Variants in FOXJ3 observed in about 807,000 individuals in gnomAD.
The protein encoded by FOXJ3 is forkhead box protein J3.
FOXJ3 carries 22 observed loss-of-function variants against 76.1 expected under a neutral mutation model. The ratio of observed to expected loss-of-function variants is 0.29; its 90% CI spans 0.21 to 0.41. The LOEUF (loss-of-function observed/expected upper bound fraction) is 0.41, where lower values mean the gene tolerates loss of function less well. Among genes scored for constraint, FOXJ3 ranks in the 10% least tolerant of loss-of-function variants. FOXJ3 has a pLI of 1.00. For synonymous variants in FOXJ3, 269 were observed against 261.2 expected (o/e 1.03, Z -0.29); for missense variants, 613 against 762.1 (o/e 0.80, Z 2.30).
At chr1:42,258,959 C>T (rs1441414165) in intron 4 of FOXJ3, among the ~76,000 whole-genome samples, 3 of 151,846 alleles carry the variant, frequency 2.0e-5, no homozygotes, top group African/African-American at 7.3e-5. Context: ...AAGTCTAAGC[C>T]GAAAAGAAAG....
At chr1:42,330,270 G>A (rs907591448) in intron 1 of FOXJ3, among the ~76,000 whole-genome samples, 1 of 151,980 alleles carries the variant, frequency 6.6e-6, no homozygotes, top group East Asian at 1.9e-4. Context: ...AAAGAAATAT[G>A]AAATGATTTG....
intron 4 of FOXJ3, among the ~76,000 whole-genome samples, chr1:42,238,913 G>T (rs1330537939): frequency 1.3e-5 from 2 of 152,106 alleles, no homozygotes; most frequent in African/African-American, 2.4e-5. Context: ...CTAACATTGA[G>T]TCTTCCACTC....
chr1:42,182,081 G>T, intron 11 of FOXJ3, 57 bp from the exon 12 acceptor site: 2 of 941,916 alleles, frequency 2.1e-6, no homozygotes, highest in Non-Finnish European at 3.3e-6. Context: ...AAAACAAATG[G>T]AGCACTAAAA....
chr1:42,332,775 T>C (rs556149373), intron 1 of FOXJ3, among the ~76,000 whole-genome samples: 15 of 152,328 alleles, frequency 9.8e-5, no homozygotes, highest in Non-Finnish European at 1.6e-4. Context: ...CATTTGTACA[T>C]TGCCACTTCT....
intron 4 of FOXJ3, among the ~76,000 whole-genome samples, chr1:42,255,616 G>A (rs1385111587): frequency 2.6e-5 from 4 of 152,148 alleles, no homozygotes; most frequent in Non-Finnish European, 4.4e-5. Flanking sequence ...ACACAAAGAT[G>A]TTTACAATCT....
At chr1:42,200,668 C>A (rs534849212) in intron 6 of FOXJ3, among the ~76,000 whole-genome samples, 2 of 152,030 alleles carry the variant, frequency 1.3e-5, no homozygotes, top group African/African-American at 2.4e-5. Context: ...TTAGTAGAGA[C>A]GGGGTTTCAC....
intron 5 of FOXJ3, among the ~76,000 whole-genome samples, chr1:42,217,960 C>T (rs932885441): frequency 6.6e-6 from 1 of 152,188 alleles, no homozygotes; most frequent in Non-Finnish European, 1.5e-5. Flanking sequence ...TCTAACCAGA[C>T]AGGATTTCCA....
chr1:42,189,259 G>T (rs1269809637), intron 10 of FOXJ3, 44 bp downstream of exon 10: 3 of 1,146,532 alleles, frequency 2.6e-6, no homozygotes, highest in African/African-American at 3.0e-5. Context: ...AGAGAAACAG[G>T]ATCATGTGTA....
rs35629903 is a variant in FOXJ3 at position 42,203,995 on chromosome 1, CA to C, written c.630+1766del. On this transcript the variant is annotated intron_variant, in intron 6 of 12. Coordinates refer to ENST00000361346, the MANE Select transcript of FOXJ3 (RefSeq NM_014947.5). ...TGGGCGACACAGTGAGATCCTGTCT[CA>C]AAAAAAAAAAAAAAAAGTTGGATTC... 8.2e-3 allele frequency among the ~76,000 whole-genome samples: 1,032 copies of C among 125,240 alleles called. 9 individuals carry two copies. Among genetic ancestry groups the C allele is most frequent in the African/African-American group, 0.026 (803 of 31,276 alleles). The allele number at this position is 125,240 out of a possible 152,430, so 82.2% of individuals were successfully genotyped here. A position where few individuals can be genotyped will look rare whatever the true frequency, so the allele number is the denominator to read the frequency against.
chr1:42,287,993 A>C (rs1653169409), intron 2 of FOXJ3, among the ~76,000 whole-genome samples: 1 of 152,102 alleles, frequency 6.6e-6, no homozygotes, highest in African/African-American at 2.4e-5. Context: ...ATAGAACTCC[A>C]CTTAGAATAC....
At chr1:42,301,997 A>G (rs1367529568) in intron 2 of FOXJ3, among the ~76,000 whole-genome samples, 1 of 152,058 alleles carries the variant, frequency 6.6e-6, no homozygotes, top group Non-Finnish European at 1.5e-5. Flanking sequence ...GAAGGTGTCT[A>G]TAATATATGT....
chr1:42,206,281 C>G (rs889341558), intron 5 of FOXJ3, among the ~76,000 whole-genome samples: 8 of 152,230 alleles, frequency 5.3e-5, no homozygotes, highest in Admixed American at 2.6e-4. Context: ...GTGTGACCAA[C>G]AGGATGTGAG....
chr1:42,309,388 T>G (rs1654668437), intron 2 of FOXJ3, among the ~76,000 whole-genome samples: 1 of 152,210 alleles, frequency 6.6e-6, no homozygotes, highest in Non-Finnish European at 1.5e-5. Context: ...TATGGCTCCC[T>G]CCATCATACT....
intron 2 of FOXJ3, among the ~76,000 whole-genome samples, chr1:42,302,447 A>C (rs1307435028): frequency 6.6e-6 from 1 of 152,226 alleles, no homozygotes; most frequent in Non-Finnish European, 1.5e-5. Flanking sequence ...GTGGGTCCAG[A>C]CCAGGCAGGC....
At chr1:42,252,981 G>A (rs1481103769) in intron 4 of FOXJ3, among the ~76,000 whole-genome samples, 4 of 151,070 alleles carry the variant, frequency 2.6e-5, no homozygotes, top group African/African-American at 7.3e-5. Context: ...GGCAGGAGAA[G>A]GAAATAAAGG....
At chr1:42,255,342 C>T (rs1650495704) in intron 4 of FOXJ3, among the ~76,000 whole-genome samples, 1 of 152,098 alleles carries the variant, frequency 6.6e-6, no homozygotes, top group South Asian at 2.1e-4. Context: ...TATTGTTAAG[C>T]TCTAGAATGA....
chr1:42,303,887 C>T (rs991120743), intron 2 of FOXJ3, among the ~76,000 whole-genome samples: 1 of 152,110 alleles, frequency 6.6e-6, no homozygotes, highest in Non-Finnish European at 1.5e-5. Flanking sequence ...ACCTATTTTG[C>T]TTTGACCGAA....
intron 1 of FOXJ3, among the ~76,000 whole-genome samples, chr1:42,332,822 C>T (rs576154333): frequency 4.1e-4 from 62 of 152,282 alleles, no homozygotes; most frequent in Non-Finnish European, 7.4e-5. Context: ...TCCTGAAATA[C>T]ACCTCTTTCC....
intron 4 of FOXJ3, among the ~76,000 whole-genome samples, chr1:42,243,624 C>T (rs1397631735): frequency 1.3e-5 from 2 of 152,048 alleles, no homozygotes; most frequent in Admixed American, 1.3e-4. Context: ...GAGACAGTTG[C>T]ATTAGATTAA....
Sources: allele counts gnomAD v4.1 joint callset (sites outside exome capture counted in the v4.1 genomes callset), GRCh38; gene constraint gnomAD v4.1.1; transcripts MANE v1.5; gene names NCBI Gene and HGNC (gene_info 2026-07-23, HGNC 2026-07-21).